The following FLI1 variants were observed in gnomAD, a reference collection of about 807,000 sequenced individuals.
FLI1 encodes the protein Friend leukemia integration 1 transcription factor.
A neutral mutation model predicts 53.1 loss-of-function variants in FLI1; 13 were observed. That is an observed-to-expected ratio of 0.24 (90% CI 0.16 to 0.39). The LOEUF (loss-of-function observed/expected upper bound fraction) is 0.39. Among genes scored for constraint, FLI1 ranks in the 10% least tolerant of loss-of-function variants. FLI1 has a pLI of 1.00. For missense variants in FLI1, 424 were observed against 600.5 expected (o/e 0.71, Z 3.07); for synonymous variants, 244 against 236.7 (o/e 1.03, Z -0.28).
intron 1 of FLI1, among the ~76,000 whole-genome samples, chr11:128,719,756 C>T (rs1042920647): frequency 1.3e-5 from 2 of 152,104 alleles, no homozygotes; most frequent in Non-Finnish European, 2.9e-5. Context: ...CATGGAGTCA[C>T]CGGCTGAAAT....
intron 2 of FLI1, among the ~76,000 whole-genome samples, chr11:128,764,152 T>C (rs771951445): frequency 8.5e-5 from 13 of 152,208 alleles, no homozygotes; most frequent in Non-Finnish European, 1.8e-4. Context: ...ACTAGGAAGG[T>C]AGAGAAGATC....
At position 128,810,272 on chromosome 11, in the gene FLI1, A is replaced by G. The variant is rs567811353; in HGVS notation, c.830-187A>G. On this transcript the variant is annotated intron_variant, in intron 8 of 8. Transcript: ENST00000527786. This position sits in a 1 kb window ranked among gnomAD's most constrained non-coding sequence, Gnocchi z 6.6. Reference sequence around the variant, plus strand: ...GGATCTAACCTCGCTTATTATACCCATCTCCAAGGCAAGCAGAAAGGCAAA... The same window carrying G: ...GGATCTAACCTCGCTTATTATACCCGTCTCCAAGGCAAGCAGAAAGGCAAA... Among the ~76,000 whole-genome samples the G allele has an allele frequency of 6.6e-6, 1 of 151,896 alleles. No individual in the cohort carries two copies. The highest frequency in any genetic ancestry group is 2.1e-4 in the South Asian group (1 of 4,818).
At chr11:128,737,099 A>G (rs1939945100) in intron 1 of FLI1, among the ~76,000 whole-genome samples, 1 of 152,214 alleles carries the variant, frequency 6.6e-6, no homozygotes, top group Non-Finnish European at 1.5e-5. Context: ...ATCTAACTCA[A>G]GTGGATAGGG....
intron 1 of FLI1, among the ~76,000 whole-genome samples, chr11:128,746,898 T>G (rs1172503251): frequency 6.6e-6 from 1 of 152,220 alleles, no homozygotes; most frequent in East Asian, 1.9e-4. Flanking sequence ...TTGACCCAGC[T>G]GGTGGCCAGT....
At chr11:128,784,821 C>T (rs1241931778) in intron 5 of FLI1, among the ~76,000 whole-genome samples, 2 of 152,132 alleles carry the variant, frequency 1.3e-5, no homozygotes, top group Admixed American at 6.5e-5. Flanking sequence ...CACACACAGC[C>T]CCAAACAAAC....
In FLI1 at chr11:128,811,338, T is replaced by C. The variant is rs41302403; in HGVS notation, c.*350T>C. On this transcript the variant is annotated 3_prime_UTR_variant, in exon 9 of 9. Coordinates refer to ENST00000527786, the MANE Select transcript of FLI1 (RefSeq NM_002017.5). ...TTATGTTTTTATGACCAAAGCAGTTTCTTGTCAATACACGGGGTTCAGTAT... is the reference window on the plus strand; with the variant it reads ...TTATGTTTTTATGACCAAAGCAGTTCCTTGTCAATACACGGGGTTCAGTAT... The C allele has an allele frequency of 9.7e-3, 3,687 of 378,390 alleles. 19 individuals are homozygous for C. The highest frequency in any genetic ancestry group is 0.026 in the Middle Eastern group (35 of 1,344). 23.4% of individuals were successfully genotyped at this position (378,390 alleles called of 1,614,324 possible).
rs548474917 is a variant in FLI1, at chr11:128,805,205, T to C, written c.656-161T>C. ...TCTTCTGAAAGTCAGAGTGTTAATA[T>C]TCCAACCCCAGGGGGTGAGTACACT... On this transcript the variant is annotated intron_variant, in intron 5 of 8. Coordinates refer to ENST00000527786, the MANE Select transcript of FLI1 (RefSeq NM_002017.5). 8.9e-4 allele frequency: 461 copies of C among 515,316 alleles called. 1 individual carries two copies. The highest frequency in any genetic ancestry group is 1.4e-3 in the Non-Finnish European group (399 of 291,070). The allele number at this position is 515,316 out of a possible 1,614,324, so 31.9% of individuals were successfully genotyped here. A position where few individuals can be genotyped will look rare whatever the true frequency, so the allele number is the denominator to read the frequency against.
At chr11:128,764,612 C>G in intron 2 of FLI1, 1 of 1,519,878 alleles carries the variant, frequency 6.6e-7, no homozygotes, top group Non-Finnish European at 8.8e-7. Flanking sequence ...TCGTCCCGCA[C>G]TCCCCCTCCC....
At chr11:128,805,985 G>A (rs1349450430) in intron 6 of FLI1, 1 of 151,930 alleles carries the variant, frequency 6.6e-6, no homozygotes, top group Non-Finnish European at 1.5e-5. Context: ...ATGATGACAT[G>A]TCGAAGTCTA....
chr11:128,759,549 C>T (rs940964505), intron 2 of FLI1, among the ~76,000 whole-genome samples: 8 of 152,102 alleles, frequency 5.3e-5, no homozygotes, highest in African/African-American at 1.7e-4. Flanking sequence ...TACATAAGGG[C>T]GATAGCAAAG....
intron 1 of FLI1, among the ~76,000 whole-genome samples, chr11:128,739,670 A>C (rs1209868018): frequency 6.6e-6 from 1 of 152,074 alleles, no homozygotes; most frequent in East Asian, 1.9e-4. Context: ...TTAGGGGGGA[A>C]AAATCCTTCG....
At chr11:128,792,308 A>C (rs1021248153) in intron 5 of FLI1, among the ~76,000 whole-genome samples, 1 of 152,118 alleles carries the variant, frequency 6.6e-6, no homozygotes, top group East Asian at 1.9e-4. Context: ...GATGTTGTCT[A>C]GTTGCTAAGA....
intron 1 of FLI1, among the ~76,000 whole-genome samples, chr11:128,742,857 A>G (rs1241923697): frequency 6.6e-6 from 1 of 152,254 alleles, no homozygotes; most frequent in Non-Finnish European, 1.5e-5. Context: ...CACATTTTAC[A>G]GGCCATTCAG....
At chr11:128,796,931 C>T (rs574555449) in intron 5 of FLI1, among the ~76,000 whole-genome samples, 4 of 152,298 alleles carry the variant, frequency 2.6e-5, no homozygotes, top group South Asian at 4.1e-4. Context: ...GCCGAGATTG[C>T]GCCATTGCAC....
chr11:128,767,803 G>T (rs1354403596), intron 2 of FLI1, among the ~76,000 whole-genome samples: 1 of 149,778 alleles, frequency 6.7e-6, no homozygotes, highest in Non-Finnish European at 1.5e-5. Context: ...TGGCAGTGAG[G>T]CTAAAAATGT....
intron 1 of FLI1, among the ~76,000 whole-genome samples, chr11:128,752,522 G>A (rs983824250): frequency 5.3e-5 from 8 of 152,130 alleles, no homozygotes; most frequent in African/African-American, 1.4e-4. Flanking sequence ...AATAAACACC[G>A]GAGTTACACT....
intron 1 of FLI1, among the ~76,000 whole-genome samples, chr11:128,695,146 G>T (rs1377639193): frequency 6.6e-6 from 1 of 152,238 alleles, no homozygotes; most frequent in Non-Finnish European, 1.5e-5. Flanking sequence ...CGCCCGCCCG[G>T]CCATTCCCAC....
chr11:128,751,000 G>A (rs1565481531), intron 1 of FLI1, among the ~76,000 whole-genome samples: 1 of 152,152 alleles, frequency 6.6e-6, no homozygotes, highest in Non-Finnish European at 1.5e-5. Context: ...CATTCACAGG[G>A]CTATTCAGGC....
chr11:128,767,359 T>A (rs1941382103), intron 2 of FLI1, among the ~76,000 whole-genome samples: 1 of 152,152 alleles, frequency 6.6e-6, no homozygotes, highest in African/African-American at 2.4e-5. Context: ...AGCAACCAGC[T>A]CTTTTGCATG....
Sources: gnomAD v4.1 joint callset for allele counts (sites outside exome capture counted in the v4.1 genomes callset) on GRCh38, gnomAD v4.1.1 for gene constraint, Gnocchi (gnomAD v3.1) non-coding constraint, MANE v1.5 for transcripts, NCBI Gene and HGNC (gene_info 2026-07-23, HGNC 2026-07-21) for gene names.